PIK3CB: variants seen among roughly 807,000 people sequenced by gnomAD.
The protein encoded by PIK3CB is phosphatidylinositol-4,5-bisphosphate 3-kinase catalytic subunit beta, also known as phosphatidylinositol 4,5-bisphosphate 3-kinase catalytic subunit beta isoform.
A neutral mutation model predicts 136.8 loss-of-function variants in PIK3CB; 39 were observed. The ratio of observed to expected loss-of-function variants is 0.29; its 90% CI spans 0.22 to 0.37. The LOEUF (loss-of-function observed/expected upper bound fraction) is 0.37, where lower values mean the gene tolerates loss of function less well. PIK3CB is among the 10% of genes least tolerant of loss of function. PIK3CB has a pLI of 1.00. For missense variants in PIK3CB, 868 were observed against 1,275.4 expected, an observed-to-expected ratio of 0.68 and a Z score of 4.87; for synonymous variants, 428 against 436.6, an observed-to-expected ratio of 0.98 and a Z score of 0.25.
At chr3:138,697,903 T>C (rs2044172537) in intron 13 of PIK3CB, among the ~76,000 whole-genome samples, 1 of 152,088 alleles carries the variant, frequency 6.6e-6, no homozygotes, top group South Asian at 2.1e-4. Context: ...CAGCTAATGT[T>C]TGTATTTTTT....
In PIK3CB at chr3:138,714,630, A is replaced by C. The variant is rs755608585; in HGVS notation, c.1140T>G (p.Ile380Met). 126 of 1,613,210 alleles carry C rather than the reference A, an allele frequency of 7.8e-5. No homozygotes were observed. The highest frequency in any genetic ancestry group is 6.4e-5 in the Non-Finnish European group (76 of 1,179,296). Reference protein sequence around the residue: ...SSEVSGKNDHIWNEPLEFDIN... With the variant: ...SSEVSGKNDHMWNEPLEFDIN... ...TATCAAATTCCAGTGGTTCATTCCA[A>C]ATATGATCATTTTTCCCTGATACCT... Residue 380 changes from isoleucine (I) to methionine (M), a missense_variant, in exon 9 of 24, where the codon ATT becomes ATG. Physicochemically the swap from Ile to Met is conservative, Grantham distance 10. Around this residue, in one of 4 missense-constraint regions of PIK3CB, gnomAD observed 612 missense variants for 801.1 expected, o/e 0.76. Coordinates refer to ENST00000674063, the MANE Select transcript of PIK3CB (RefSeq NM_006219.3).
intron 1 of PIK3CB, chr3:138,826,290 G>A: frequency 6.3e-7 from 1 of 1,597,062 alleles, no homozygotes; most frequent in East Asian, 2.2e-5. Context: ...GAGCTGGCAA[G>A]GTCACCAAGT....
At chr3:138,685,396 CAAAAAAAA>C (rs398052626) in intron 16 of PIK3CB, among the ~76,000 whole-genome samples, 156 of 58,354 alleles carry the variant, frequency 2.7e-3, no homozygotes, top group African/African-American at 0.015. Context: ...GAAACTGTCT[CAAAAAAAA>C]AAAAAAAAAA....
At chr3:138,789,921 C>G (rs2046029384) in intron 2 of PIK3CB, among the ~76,000 whole-genome samples, 1 of 152,104 alleles carries the variant, frequency 6.6e-6, no homozygotes. Context: ...GAACTCCTGA[C>G]CTCGTGATCT....
chr3:138,785,692 G>A (rs538211211), intron 2 of PIK3CB, among the ~76,000 whole-genome samples: 75 of 152,136 alleles, frequency 4.9e-4, no homozygotes, highest in Middle Eastern at 6.8e-3. Context: ...AAGGAAGCAG[G>A]CAGGGCCCTC....
intron 2 of PIK3CB, among the ~76,000 whole-genome samples, chr3:138,770,809 T>C (rs942491615): frequency 1.3e-5 from 2 of 151,854 alleles, no homozygotes; most frequent in African/African-American, 4.8e-5. Flanking sequence ...GCTCCCAGGT[T>C]CAAGCAGTTC....
chr3:138,777,189 C>T (rs1466895186), intron 2 of PIK3CB, among the ~76,000 whole-genome samples: 2 of 152,174 alleles, frequency 1.3e-5, no homozygotes, highest in South Asian at 4.1e-4. Context: ...ATGGACCTGA[C>T]CTGCCATCTG....
intron 2 of PIK3CB, among the ~76,000 whole-genome samples, chr3:138,760,864 A>G (rs1656557729): frequency 6.6e-6 from 1 of 152,142 alleles, no homozygotes; most frequent in Admixed American, 6.6e-5. Context: ...CTAAAATAGT[A>G]CCACTGCACT....
intron 1 of PIK3CB, among the ~76,000 whole-genome samples, chr3:138,806,063 A>C (rs988578307): frequency 2.6e-5 from 4 of 152,108 alleles, no homozygotes. Flanking sequence ...TTCCCCTTAC[A>C]AAAAGAATCA....
At chr3:138,814,812 G>C (rs975399152) in intron 1 of PIK3CB, among the ~76,000 whole-genome samples, 1 of 151,900 alleles carries the variant, frequency 6.6e-6, no homozygotes, top group South Asian at 2.1e-4. Flanking sequence ...GCCCAGCCTG[G>C]GCAACATGGC....
At chr3:138,682,491 C>A (rs2043802333) in intron 18 of PIK3CB, among the ~76,000 whole-genome samples, 1 of 152,150 alleles carries the variant, frequency 6.6e-6, no homozygotes, top group Admixed American at 6.5e-5. Flanking sequence ...TGCTGTAATA[C>A]TGTTTGTATT....
chr3:138,682,828 C>G (rs1208687717), intron 18 of PIK3CB, among the ~76,000 whole-genome samples: 1 of 152,176 alleles, frequency 6.6e-6, no homozygotes, highest in Non-Finnish European at 1.5e-5. Context: ...CCCTGACATA[C>G]AGATGCTATA....
intron 4 of PIK3CB, among the ~76,000 whole-genome samples, chr3:138,746,625 C>A (rs528678770): frequency 6.6e-6 from 1 of 152,052 alleles, no homozygotes; most frequent in East Asian, 1.9e-4. Context: ...CACGCCACTG[C>A]ACTCCAGCCT....
chr3:138,815,478 A>G (rs1933287550), intron 1 of PIK3CB, among the ~76,000 whole-genome samples: 2 of 151,382 alleles, frequency 1.3e-5, no homozygotes, highest in South Asian at 4.1e-4. Context: ...GAAACAATTT[A>G]AACATCCATC....
chr3:138,765,156 C>T (rs1002433458), intron 2 of PIK3CB, among the ~76,000 whole-genome samples: 8 of 152,218 alleles, frequency 5.3e-5, no homozygotes, highest in African/African-American at 1.7e-4. Flanking sequence ...CCTGTCTCTA[C>T]TAAAAATACA....
At chr3:138,816,938 C>T (rs537307952) in intron 1 of PIK3CB, among the ~76,000 whole-genome samples, 2 of 152,270 alleles carry the variant, frequency 1.3e-5, no homozygotes, top group South Asian at 2.1e-4. Flanking sequence ...CCGTGGCTCA[C>T]GCCTGTAATC....
chr3:138,812,550 C>T (rs578031228), intron 1 of PIK3CB, among the ~76,000 whole-genome samples: 99 of 143,780 alleles, frequency 6.9e-4, no homozygotes, highest in African/African-American at 2.0e-3. Flanking sequence ...TTTTTTGAGA[C>T]GAAGTCTCAC....
At chr3:138,759,449 C>G in intron 2 of PIK3CB, 90 bp from the exon 3 acceptor site, 3 of 794,940 alleles carry the variant, frequency 3.8e-6, no homozygotes, top group Middle Eastern at 2.6e-4. Flanking sequence ...ACAATTAGTC[C>G]TTAGATTTCA....
chr3:138,800,190 T>C (rs1221627601), intron 1 of PIK3CB, among the ~76,000 whole-genome samples: 1 of 152,218 alleles, frequency 6.6e-6, no homozygotes, highest in African/African-American at 2.4e-5. Flanking sequence ...GTCTCACAGT[T>C]AAGATAGCAA....
Sources: gnomAD v4.1 joint callset for allele counts (sites outside exome capture counted in the v4.1 genomes callset) on GRCh38, gnomAD v4.1.1 for gene constraint, gnomAD v4.1.1 regional missense constraint, MANE v1.5 for transcripts, NCBI Gene and HGNC (gene_info 2026-07-23, HGNC 2026-07-21) for gene names.